The following EYS variants were observed in gnomAD, a reference collection of about 807,000 sequenced individuals.
EYS encodes protein eyes shut homolog.
A neutral mutation model predicts 282.1 loss-of-function variants in EYS; 250 were observed. That is an observed-to-expected ratio of 0.89 (90% CI 0.80 to 0.98). The LOEUF is 0.98. EYS is among the 50% of genes least tolerant of loss of function. EYS has a pLI of 0.00. For synonymous variants in EYS, 1,355 were observed against 1,282.9 expected (o/e 1.06, Z -1.20); for missense variants, 4,016 against 3,709.0 (o/e 1.08, Z -2.15).
chr6:65,270,206 T>C (rs1767861499), intron 12 of EYS, among the ~76,000 whole-genome samples: 1 of 151,912 alleles, frequency 6.6e-6, no homozygotes, highest in South Asian at 2.1e-4. Context: ...AAGGGAGAAA[T>C]AGGAAAGAAG....
chr6:64,020,090 T>G (rs550278603), intron 33 of EYS, among the ~76,000 whole-genome samples: 1 of 152,138 alleles, frequency 6.6e-6, no homozygotes, highest in South Asian at 2.1e-4. Flanking sequence ...GTATCTACAT[T>G]TATTGCTATT....
chr6:64,883,780 TG>T (rs1766998878), intron 19 of EYS, among the ~76,000 whole-genome samples: 1 of 151,508 alleles, frequency 6.6e-6, no homozygotes, highest in Non-Finnish European at 1.5e-5. Flanking sequence ...TTTGATCATA[TG>T]CCATCACTTG....
chr6:63,827,115 G>T (rs1205528209), intron 36 of EYS, among the ~76,000 whole-genome samples: 4 of 152,116 alleles, frequency 2.6e-5, no homozygotes, highest in African/African-American at 9.7e-5. Context: ...AAGCGAGCAG[G>T]GGTAGCTATT....
intron 8 of EYS, among the ~76,000 whole-genome samples, chr6:65,367,296 A>C (rs1181470650): frequency 6.6e-6 from 1 of 151,680 alleles, no homozygotes; most frequent in African/African-American, 2.4e-5. Context: ...TGCTATCTTG[A>C]GGATCCAAAA....
chr6:64,020,017 G>C (rs1769109957), intron 33 of EYS, among the ~76,000 whole-genome samples: 4 of 151,880 alleles, frequency 2.6e-5, no homozygotes, highest in Admixed American at 2.6e-4. Context: ...TTTTCGCAGA[G>C]TAATCAGTGA....
intron 31 of EYS, among the ~76,000 whole-genome samples, chr6:64,168,445 GGT>G (rs1274622249): frequency 2.0e-5 from 3 of 152,006 alleles, no homozygotes; most frequent in Admixed American, 6.5e-5. Context: ...TCTACTCCTA[GGT>G]ATCTAAGCAA....
chr6:63,758,688 A>T (rs539262891), intron 41 of EYS, among the ~76,000 whole-genome samples: 1 of 152,206 alleles, frequency 6.6e-6, no homozygotes, highest in South Asian at 2.1e-4. Context: ...ATTTTTCTTA[A>T]TGTATACTTT....
chr6:65,648,258 C>CA (rs374151844), intron 1 of EYS, among the ~76,000 whole-genome samples: 1 of 150,494 alleles, frequency 6.6e-6, no homozygotes, highest in Non-Finnish European at 1.5e-5. Context: ...TCTGCAATTG[C>CA]AAAAAATGGA....
intron 31 of EYS, among the ~76,000 whole-genome samples, chr6:64,185,295 C>A (rs946328471): frequency 1.3e-5 from 2 of 152,114 alleles, no homozygotes; most frequent in Admixed American, 6.6e-5. Context: ...TCACTTCTAA[C>A]CCACAGTCAG....
chr6:64,486,596 T>TTAAA (rs1776584596), intron 26 of EYS, among the ~76,000 whole-genome samples: 1 of 151,458 alleles, frequency 6.6e-6, no homozygotes, highest in Non-Finnish European at 1.5e-5. Flanking sequence ...GCATGCGGTC[T>TTAAA]GTATGTTAAA....
Position 64,773,812 on chromosome 6 carries a change from G to A in EYS, c.3443+39566C>T, listed in dbSNP as rs9452826. ...TCTGTTCATGTCCTTTGCCCACTTT[G>A]TAATGGAGTTGTTTGTTTTTTGCTT... On this transcript the variant is annotated intron_variant, in intron 22 of 42. Coordinates refer to ENST00000503581, the MANE Select transcript of EYS (RefSeq NM_001142800.2). Among the ~76,000 whole-genome samples the A allele has an allele frequency of 3.8e-3, 581 of 151,650 alleles. 5 individuals are homozygous for A. The highest frequency in any genetic ancestry group is 0.012 in the African/African-American group (503 of 41,464).
intron 36 of EYS, 88 bp from the exon 37 acceptor site, chr6:63,806,460 A>G: frequency 1.7e-6 from 2 of 1,142,888 alleles, no homozygotes; most frequent in Non-Finnish European, 2.4e-6. Context: ...GCATCTGGCC[A>G]GATAGTCTGT....
intron 26 of EYS, among the ~76,000 whole-genome samples, chr6:64,579,854 A>G (rs375013464): frequency 6.6e-5 from 10 of 152,066 alleles, no homozygotes; most frequent in Non-Finnish European, 1.5e-4. Flanking sequence ...GAAATAAGCT[A>G]TGATCTCTTA....
intron 12 of EYS, among the ~76,000 whole-genome samples, chr6:65,166,386 T>C (rs1764971586): frequency 6.6e-6 from 1 of 151,226 alleles, no homozygotes; most frequent in South Asian, 2.1e-4. Context: ...AATGTAGTTA[T>C]AAAAGATCCA....
At chr6:65,523,114 C>A (rs1173527225) in intron 2 of EYS, among the ~76,000 whole-genome samples, 1 of 151,866 alleles carries the variant, frequency 6.6e-6, no homozygotes, top group Admixed American at 6.6e-5. Context: ...CAAGAGCAGG[C>A]CTGTTATATA....
At chr6:64,383,610 T>A (rs1772818972) in intron 29 of EYS, among the ~76,000 whole-genome samples, 1 of 152,196 alleles carries the variant, frequency 6.6e-6, no homozygotes, top group Non-Finnish European at 1.5e-5. Flanking sequence ...TTTGCTTATG[T>A]TTATCAGAGG....
At chr6:64,246,362 G>A (rs910576349) in intron 30 of EYS, among the ~76,000 whole-genome samples, 1 of 152,046 alleles carries the variant, frequency 6.6e-6, no homozygotes, top group African/African-American at 2.4e-5. Flanking sequence ...GGAAGTCACA[G>A]TTATTTTTAA....
intron 12 of EYS, among the ~76,000 whole-genome samples, chr6:65,166,011 T>A (rs1764963160): frequency 6.6e-6 from 1 of 151,146 alleles, no homozygotes; most frequent in Admixed American, 6.6e-5. Context: ...ATATTTATAA[T>A]GGTAAAATAA....
chr6:63,905,849 G>C (rs1773766755), intron 35 of EYS, among the ~76,000 whole-genome samples: 1 of 151,954 alleles, frequency 6.6e-6, no homozygotes, highest in Non-Finnish European at 1.5e-5. Context: ...TGTGTCAGTT[G>C]TCTCTCCTAC....
Sources: allele counts gnomAD v4.1 joint callset (sites outside exome capture counted in the v4.1 genomes callset), GRCh38; gene constraint gnomAD v4.1.1; transcripts MANE v1.5; gene names NCBI Gene and HGNC (gene_info 2026-07-23, HGNC 2026-07-21).